HS3ST5: variants seen among roughly 807,000 people sequenced by gnomAD.
HS3ST5 encodes heparan sulfate-glucosamine 3-sulfotransferase 5.
Under a neutral mutation model 25.4 loss-of-function variants are expected in HS3ST5, and 10 were observed. The ratio of observed to expected loss-of-function variants is 0.39; its 90% CI spans 0.24 to 0.67. The LOEUF is 0.67. Ranked by LOEUF, HS3ST5 falls within the 30% of genes least tolerant of loss-of-function variation. The probability of loss-of-function intolerance (pLI) is 0.44; values close to 1 mark genes in which losing one functional copy is unlikely to be tolerated. For missense variants in HS3ST5, 324 were observed against 420.7 expected (o/e 0.77, Z 2.01); for synonymous variants, 170 against 162.4 (o/e 1.05, Z -0.36).
chr6:114,224,468 T>C (rs117726857), intron 2 of HS3ST5, among the ~76,000 whole-genome samples: 2,819 of 151,578 alleles, frequency 0.019, 30 homozygotes, highest in Middle Eastern at 0.048. Flanking sequence ...TTAGAATGTT[T>C]ACTATTTTCC....
chr6:114,118,232 A>G (rs1182423708), intron 3 of HS3ST5, among the ~76,000 whole-genome samples: 1 of 152,160 alleles, frequency 6.6e-6, no homozygotes, highest in East Asian at 1.9e-4. Context: ...GGACATCTAT[A>G]CAATTATTGC....
chr6:114,273,327 A>G (rs1210641006), intron 1 of HS3ST5, among the ~76,000 whole-genome samples: 1 of 152,030 alleles, frequency 6.6e-6, no homozygotes, highest in Non-Finnish European at 1.5e-5. Flanking sequence ...CTGGAAGAGA[A>G]TTAACTGAAA....
At chr6:114,264,168 G>A (rs539234024) in intron 1 of HS3ST5, among the ~76,000 whole-genome samples, 18 of 152,264 alleles carry the variant, frequency 1.2e-4, no homozygotes, top group Non-Finnish European at 2.1e-4. Context: ...ATTACTATGT[G>A]TATGATATCC....
At chr6:114,063,981 G>C (rs12524002) in intron 3 of HS3ST5, among the ~76,000 whole-genome samples, 1 of 152,204 alleles carries the variant, frequency 6.6e-6, no homozygotes, top group South Asian at 2.1e-4. Context: ...GCTGAGGAGC[G>C]TAGGGCTTTA....
chr6:114,112,476 C>T (rs1776314535), intron 3 of HS3ST5: 1 of 152,248 alleles, frequency 6.6e-6, no homozygotes, highest in South Asian at 2.1e-4. Flanking sequence ...GTTTGGACTT[C>T]TGACCTGTAG....
intron 2 of HS3ST5, among the ~76,000 whole-genome samples, chr6:114,177,776 A>G (rs776058152): frequency 4.6e-5 from 7 of 152,222 alleles, no homozygotes; most frequent in African/African-American, 9.6e-5. Flanking sequence ...CTATAAACTT[A>G]TAAATGTACA....
intron 1 of HS3ST5, among the ~76,000 whole-genome samples, chr6:114,288,944 G>A (rs1427032355): frequency 6.6e-6 from 1 of 152,044 alleles, no homozygotes; most frequent in African/African-American, 2.4e-5. Context: ...ACACAGCTGT[G>A]CTTTATGAAC....
At chr6:114,069,521 T>A (rs944708904) in intron 3 of HS3ST5, among the ~76,000 whole-genome samples, 3 of 149,914 alleles carry the variant, frequency 2.0e-5, no homozygotes, top group African/African-American at 7.4e-5. Context: ...GGAGAATTTT[T>A]TTTTTTTTTT....
intron 2 of HS3ST5, among the ~76,000 whole-genome samples, chr6:114,199,617 A>G (rs960197479): frequency 6.6e-6 from 1 of 152,186 alleles, no homozygotes; most frequent in Non-Finnish European, 1.5e-5. Flanking sequence ...GTTGAAAATA[A>G]GGGAACAGAT....
chr6:114,182,226 T>C (rs1304560227), intron 2 of HS3ST5, among the ~76,000 whole-genome samples: 4 of 152,172 alleles, frequency 2.6e-5, no homozygotes, highest in Non-Finnish European at 5.9e-5. Context: ...AAGAGATTGA[T>C]CATCCCTAAG....
chr6:114,305,040 A>G (rs999658029), intron 1 of HS3ST5, among the ~76,000 whole-genome samples: 2 of 152,256 alleles, frequency 1.3e-5, no homozygotes, highest in East Asian at 1.9e-4. Flanking sequence ...ATCTGAAACC[A>G]TATCAATGTA....
intron 3 of HS3ST5, among the ~76,000 whole-genome samples, chr6:114,093,156 T>C (rs1470466956): frequency 1.3e-5 from 2 of 152,078 alleles, no homozygotes; most frequent in Non-Finnish European, 2.9e-5. Context: ...TCTGACTGGC[T>C]TCAAAGACCG....
intron 1 of HS3ST5, among the ~76,000 whole-genome samples, chr6:114,239,715 C>G (rs1772015590): frequency 6.6e-6 from 1 of 152,122 alleles, no homozygotes; most frequent in Non-Finnish European, 1.5e-5. Context: ...TCCCCACAGA[C>G]AGGATGCTGA....
At chr6:114,221,103 C>T (rs1000120067) in intron 2 of HS3ST5, among the ~76,000 whole-genome samples, 2 of 151,934 alleles carry the variant, frequency 1.3e-5, no homozygotes, top group African/African-American at 4.8e-5. Flanking sequence ...AATTACTTTC[C>T]CTCTCTGGAA....
intron 1 of HS3ST5, among the ~76,000 whole-genome samples, chr6:114,290,150 T>A (rs764175666): frequency 1.3e-5 from 2 of 152,144 alleles, no homozygotes; most frequent in African/African-American, 2.4e-5. Context: ...CCACAAGGTT[T>A]TTTGTGGTTG....
chr6:114,156,489 C>T (rs962440998), intron 3 of HS3ST5, among the ~76,000 whole-genome samples: 10 of 152,190 alleles, frequency 6.6e-5, no homozygotes, highest in African/African-American at 2.4e-4. Context: ...GATAGTGTAA[C>T]TCTCTTAAAT....
chr6:114,087,990 A>ACATC (rs1774926305), intron 3 of HS3ST5, among the ~76,000 whole-genome samples: 1 of 152,238 alleles, frequency 6.6e-6, no homozygotes, highest in Non-Finnish European at 1.5e-5. Flanking sequence ...GAGATGTACC[A>ACATC]AAAGTGTTAA....
intron 3 of HS3ST5, among the ~76,000 whole-genome samples, chr6:114,167,323 A>T (rs554496827): frequency 4.6e-5 from 7 of 152,166 alleles, no homozygotes; most frequent in Non-Finnish European, 1.0e-4. Flanking sequence ...GAGGATGGGA[A>T]CAATGCATAT....
chr6:114,278,048 TG>T (rs1773940053), intron 1 of HS3ST5, among the ~76,000 whole-genome samples: 2 of 151,848 alleles, frequency 1.3e-5, no homozygotes, highest in African/African-American at 4.8e-5. Flanking sequence ...GGCAGGTTAG[TG>T]GGAGAAACAA....
Sources: gnomAD v4.1 joint callset for allele counts (sites outside exome capture counted in the v4.1 genomes callset) on GRCh38, gnomAD v4.1.1 for gene constraint, MANE v1.5 for transcripts, NCBI Gene and HGNC (gene_info 2026-07-23, HGNC 2026-07-21) for gene names.